TRPC7: variants seen among roughly 807,000 people sequenced by gnomAD.
TRPC7 encodes transient receptor potential cation channel subfamily C member 7, also known as short transient receptor potential channel 7.
In TRPC7, 42 loss-of-function variants were observed where a neutral mutation model predicts 90.1. That is an observed-to-expected ratio of 0.47 (90% confidence interval 0.36 to 0.60). The LOEUF (loss-of-function observed/expected upper bound fraction) is 0.60, where lower values mean the gene tolerates loss of function less well. Among genes scored for constraint, TRPC7 ranks in the 20% least tolerant of loss-of-function variants. The pLI is 0.00. For synonymous variants in TRPC7, 451 were observed against 436.3 expected, an observed-to-expected ratio of 1.03 and a Z score of -0.42; for missense variants, 955 against 1,112.3, an observed-to-expected ratio of 0.86 and a Z score of 2.01.
intron 2 of TRPC7, among the ~76,000 whole-genome samples, chr5:136,323,620 A>C (rs556567027): frequency 6.6e-6 from 1 of 152,306 alleles, no homozygotes; most frequent in Admixed American, 6.5e-5. Flanking sequence ...TCTTTTTTGC[A>C]CATCTGTCAA....
At chr5:136,338,625 A>G (rs143915540) in intron 2 of TRPC7, among the ~76,000 whole-genome samples, 127 of 152,332 alleles carry the variant, frequency 8.3e-4, no homozygotes, top group Admixed American at 2.2e-3. Flanking sequence ...CTCATCACCT[A>G]GTTTATGAAT....
At chr5:136,292,471 G>T (rs1419418863) in intron 3 of TRPC7, among the ~76,000 whole-genome samples, 7 of 150,642 alleles carry the variant, frequency 4.6e-5, no homozygotes, top group African/African-American at 1.5e-4. Context: ...TATCACCACT[G>T]ATCCCACAGA....
At chr5:136,227,126 G>T (rs1580838959) in intron 8 of TRPC7, among the ~76,000 whole-genome samples, 1 of 152,134 alleles carries the variant, frequency 6.6e-6, no homozygotes, top group East Asian at 1.9e-4. Flanking sequence ...TCTCTTCTGG[G>T]GTAGACTTAA....
chr5:136,234,786 C>CCACATGT (rs1755935576), intron 7 of TRPC7, among the ~76,000 whole-genome samples: 1 of 152,120 alleles, frequency 6.6e-6, no homozygotes, highest in African/African-American at 2.4e-5. Flanking sequence ...TCATTTGTAC[C>CCACATGT]CACATGTTCT....
chr5:136,308,462 C>T (rs181672081), intron 3 of TRPC7, among the ~76,000 whole-genome samples: 199 of 152,330 alleles, frequency 1.3e-3, no homozygotes, highest in African/African-American at 4.1e-3. Context: ...TCTGTTAAAA[C>T]GATGCCTCAG....
intron 7 of TRPC7, among the ~76,000 whole-genome samples, chr5:136,240,783 C>A (rs2149801124): frequency 6.6e-6 from 1 of 152,238 alleles, no homozygotes; most frequent in Non-Finnish European, 1.5e-5. Flanking sequence ...CTCTCTGAGC[C>A]TCAGTTTCCT....
Position 136,231,554 on chromosome 5 carries a change from A to G in TRPC7, c.1845-5T>C. 6.3e-7 allele frequency: 1 copy of G among 1,584,916 alleles called. No homozygotes were observed. Among genetic ancestry groups the G allele is most frequent in the East Asian group, 2.3e-5 (1 of 44,152 alleles). ...GTTTTAAAACTTTCTTCAACCCTGC[A>G]AAGAAACAGACGGTCCTTTTACGCA... is the stretch of plus-strand genomic sequence containing the variant. On this transcript the variant is annotated splice_polypyrimidine_tract_variant and splice_region_variant and intron_variant, in intron 7 of 11. Transcript: ENST00000513104.
intron 7 of TRPC7, among the ~76,000 whole-genome samples, chr5:136,233,154 G>C (rs1280523101): frequency 6.6e-6 from 1 of 152,206 alleles, no homozygotes; most frequent in Non-Finnish European, 1.5e-5. Context: ...ACTCTTCAGA[G>C]TCTGAAAAAC....
At position 136,311,400 on chromosome 5, in the gene TRPC7, C is replaced by T. The variant is rs1204672447; in HGVS notation, c.963+4197G>A. On this transcript the variant is annotated intron_variant, in intron 3 of 11. Coordinates refer to ENST00000513104, the MANE Select transcript of TRPC7 (RefSeq NM_020389.3). ...TGGGTCTCTGTTCCCTGTCACTAAGCACTGACCACATGGCAGACACTGGGG... is the reference window on the plus strand; with the variant it reads ...TGGGTCTCTGTTCCCTGTCACTAAGTACTGACCACATGGCAGACACTGGGG... Among the ~76,000 whole-genome samples the T allele has an allele frequency of 3.3e-5, 5 of 152,206 alleles. No homozygotes were observed. The East Asian group carries it at 9.6e-4, about 29-fold the overall frequency.
Position 136,361,052 on chromosome 5 carries a change from G to A in TRPC7, c.3-3667C>T, listed in dbSNP as rs530480279. Among the ~76,000 whole-genome samples the A allele has an allele frequency of 1.6e-4, 24 of 152,254 alleles. No homozygotes were observed. The East Asian group carries it at 1.7e-3, about 11-fold the overall frequency. ...CTGTGTCAGAAAGATAAAGTCACAT[G>A]TCTCTCAATAGTTGGTGGCCAAAGC... On this transcript the variant is annotated intron_variant, in intron 1 of 11. Coordinates refer to ENST00000513104, the MANE Select transcript of TRPC7 (RefSeq NM_020389.3).
At chr5:136,320,681 G>A (rs769071460) in intron 2 of TRPC7, among the ~76,000 whole-genome samples, 7 of 152,072 alleles carry the variant, frequency 4.6e-5, no homozygotes, top group Admixed American at 1.3e-4. Context: ...GGTCTCCCCC[G>A]GATTCAGTCT....
chr5:136,216,337 G>A, intron 10 of TRPC7, 62 bp from the exon 11 acceptor site: 1 of 1,312,432 alleles, frequency 7.6e-7, no homozygotes, highest in South Asian at 1.2e-5. Flanking sequence ...CAGCCTGCGT[G>A]GTGTAGCAGG....
intron 3 of TRPC7, among the ~76,000 whole-genome samples, chr5:136,306,810 C>T (rs777770191): frequency 2.5e-4 from 38 of 152,154 alleles, no homozygotes; most frequent in Non-Finnish European, 1.6e-4. Flanking sequence ...ATTCTCCCCA[C>T]CCTTGAGAAT....
In TRPC7 at chr5:136,346,521, CATACACCATGTACACATACA is replaced by C. The variant is rs1200680761; in HGVS notation, c.780+10067_780+10086del. On this transcript the variant is annotated intron_variant, in intron 2 of 11. Transcript: ENST00000513104. ...CACATATGTACACATACGTGGAACA[CATACACCATGTACACATACA>C]ACACACACATGTACACATACACACA... Among the ~76,000 whole-genome samples the C allele has an allele frequency of 1.7e-4, 26 of 152,172 alleles. No individual in the cohort carries two copies. The Middle Eastern group carries it at 0.014, about 80-fold the overall frequency.
intron 7 of TRPC7, among the ~76,000 whole-genome samples, chr5:136,233,974 T>C (rs1486710424): frequency 6.6e-6 from 1 of 152,200 alleles, no homozygotes; most frequent in Non-Finnish European, 1.5e-5. Context: ...GCAGTATGTG[T>C]TCCAGCAAGG....
At chr5:136,218,092 G>C (rs776547035) in intron 10 of TRPC7, among the ~76,000 whole-genome samples, 7 of 135,310 alleles carry the variant, frequency 5.2e-5, no homozygotes, top group Admixed American at 1.5e-4. Context: ...TAATATATGA[G>C]ATATATAATA....
chr5:136,213,774 C>T (rs1467402665), intron 11 of TRPC7, among the ~76,000 whole-genome samples, 170 bp from the exon 12 acceptor site: 1 of 152,278 alleles, frequency 6.6e-6, no homozygotes, highest in Non-Finnish European at 1.5e-5. Flanking sequence ...AACCACCCAG[C>T]TCCCCCACCA....
Position 136,213,354 on chromosome 5 carries a change from C to A in TRPC7, c.*81G>T. 6.8e-7 allele frequency: 1 copy of A among 1,466,474 alleles called. No homozygotes were observed. The highest frequency in any genetic ancestry group is 1.3e-5 in the South Asian group (1 of 78,010). The allele number at this position is 1,466,474 out of a possible 1,614,324, so 90.8% of individuals were successfully genotyped here. A position where few individuals can be genotyped will look rare whatever the true frequency, so the allele number is the denominator to read the frequency against. On this transcript the variant is annotated 3_prime_UTR_variant, in exon 12 of 12. Transcript: ENST00000513104. ...GTCCTAGAGGAGTGGGCTGGGGACC[C>A]CTCCCCACCAAGGATGGGGGCGAGG...
At chr5:136,270,732 G>T (rs1236370562) in intron 4 of TRPC7, among the ~76,000 whole-genome samples, 1 of 152,200 alleles carries the variant, frequency 6.6e-6, no homozygotes, top group Non-Finnish European at 1.5e-5. Context: ...ATGTTGCAGG[G>T]CTCAGCCTGG....
Sources: gnomAD v4.1 joint callset for allele counts (sites outside exome capture counted in the v4.1 genomes callset) on GRCh38, gnomAD v4.1.1 for gene constraint, MANE v1.5 for transcripts, NCBI Gene and HGNC (gene_info 2026-07-23, HGNC 2026-07-21) for gene names.